The following PSMA3 variants were observed in gnomAD, a reference collection of about 807,000 sequenced individuals.
The protein encoded by PSMA3 is proteasome 20S subunit alpha 3.
In PSMA3, 8 loss-of-function variants were observed where a neutral mutation model predicts 40.0. That is an observed-to-expected ratio of 0.20 (90% CI 0.12 to 0.36). PSMA3 has a LOEUF of 0.36. Among genes scored for constraint, PSMA3 ranks in the 10% least tolerant of loss-of-function variants. The pLI, the probability that PSMA3 is intolerant of heterozygous loss-of-function variation, is 1.00. For synonymous variants in PSMA3, 110 were observed against 100.0 expected, an observed-to-expected ratio of 1.10 and a Z score of -0.59; for missense variants, 219 against 310.6, an observed-to-expected ratio of 0.70 and a Z score of 2.22.
intron 7 of PSMA3, chr14:58,265,522 C>T (rs987391484): frequency 7.9e-5 from 12 of 152,098 alleles, no homozygotes; most frequent in Non-Finnish European, 1.3e-4. Context: ...TAGAATACAA[C>T]AGTAGACTTT....
chr14:58,267,416 T>A (rs953069961), intron 7 of PSMA3, 58 bp from the exon 8 acceptor site: 6 of 1,408,574 alleles, frequency 4.3e-6, no homozygotes, highest in African/African-American at 3.0e-5. Context: ...GTGAAAATAG[T>A]TATTACACAA....
intron 9 of PSMA3, 138 bp downstream of exon 9, chr14:58,270,623 T>C: frequency 2.1e-6 from 3 of 1,454,580 alleles, no homozygotes; most frequent in Non-Finnish European, 2.8e-6. Context: ...TTCTGCTTAA[T>C]AATTGACTTA....
intron 10 of PSMA3, among the ~76,000 whole-genome samples, chr14:58,271,353 G>A (rs1392188009): frequency 1.1e-4 from 13 of 114,626 alleles, no homozygotes; most frequent in Non-Finnish European, 1.5e-4. Flanking sequence ...TTTTTGAGAC[G>A]GAGTCTTGCT....
At chr14:58,259,083 A>G (rs1890211710) in intron 5 of PSMA3, among the ~76,000 whole-genome samples, 2 of 152,072 alleles carry the variant, frequency 1.3e-5, no homozygotes, top group African/African-American at 2.4e-5. Context: ...ATGGGCCACC[A>G]TGCCTGGCTA....
chr14:58,257,341 C>T (rs1890167580), intron 3 of PSMA3, among the ~76,000 whole-genome samples: 1 of 151,520 alleles, frequency 6.6e-6, no homozygotes, highest in South Asian at 2.1e-4. Flanking sequence ...ACTAAAAATA[C>T]AAAAAAATTA....
At chr14:58,259,866 T>G (rs886257865) in intron 5 of PSMA3, among the ~76,000 whole-genome samples, 1 of 152,070 alleles carries the variant, frequency 6.6e-6, no homozygotes, top group Non-Finnish European at 1.5e-5. Flanking sequence ...GTATGAGGTT[T>G]AGAGATGATA....
At chr14:58,259,424 C>A (rs1233419746) in intron 5 of PSMA3, among the ~76,000 whole-genome samples, 1 of 152,144 alleles carries the variant, frequency 6.6e-6, no homozygotes, top group African/African-American at 2.4e-5. Context: ...AAGCTATTCT[C>A]CTGCCTCAAC....
intron 2 of PSMA3, among the ~76,000 whole-genome samples, chr14:58,251,404 G>C (rs903719602): frequency 6.6e-6 from 1 of 152,096 alleles, no homozygotes; most frequent in African/African-American, 2.4e-5. Context: ...TCTCACCTCA[G>C]CCTCCCAGGT....
chr14:58,267,147 G>A (rs541592320), intron 7 of PSMA3: 141 of 164,748 alleles, frequency 8.6e-4, no homozygotes, highest in African/African-American at 3.2e-3. Context: ...TTACAGGCGC[G>A]CACCACCTCC....
rs1456554658 is a variant in PSMA3, at chr14:58,244,909, G to C, written c.-12G>C. On this transcript the variant is annotated 5_prime_UTR_variant, in exon 1 of 11. Transcript: ENST00000216455. ...GCCTGGAATCCCTACGCGTCCCTTT[G>C]GGTTTAGCACGATGAGCTCAATCGG... 3 of 1,614,072 alleles carry C rather than the reference G, an allele frequency of 1.9e-6. No individual in the cohort carries two copies. The highest frequency in any genetic ancestry group is 2.7e-5 in the African/African-American group (2 of 74,924).
rs770644373 is a variant in PSMA3, at chr14:58,260,983, C to T, written c.440C>T (p.Ala147Val). 4 of 1,612,188 alleles carry T rather than the reference C, an allele frequency of 2.5e-6. No individual in the cohort carries two copies. Among genetic ancestry groups the T allele is most frequent in the Non-Finnish European group, 2.5e-6 (3 of 1,178,794 alleles). The change falls in exon 6 of 11, where the codon GCG becomes GTG. Residue 147 changes from alanine to valine, a missense_variant. Coordinates refer to ENST00000216455, the MANE Select transcript of PSMA3 (RefSeq NM_002788.4). ...GGGTCTTACAGTGTGAATGACGGTG[C>T]GCAACTCTACATGATTGACCCATCA... is the stretch of plus-strand genomic sequence containing the variant. ...MLGSYSVNDG[A>V]QLYMIDPSGV... is the part of the protein sequence containing the mutation.
chr14:58,248,840 G>A (rs568691974), intron 2 of PSMA3, among the ~76,000 whole-genome samples: 4 of 152,040 alleles, frequency 2.6e-5, no homozygotes, highest in South Asian at 2.1e-4. Context: ...GGCACACGTC[G>A]TAGTTTCAGC....
intron 3 of PSMA3, among the ~76,000 whole-genome samples, chr14:58,252,590 C>T (rs1263779121): frequency 6.6e-6 from 1 of 151,962 alleles, no homozygotes; most frequent in East Asian, 1.9e-4. Flanking sequence ...CATCAGATAG[C>T]GAACACCTTT....
At chr14:58,252,426 G>A (rs1017361435) in intron 3 of PSMA3, among the ~76,000 whole-genome samples, 184 bp downstream of exon 3, 2 of 152,184 alleles carry the variant, frequency 1.3e-5, no homozygotes, top group African/African-American at 2.4e-5. Context: ...AAACCAAGTT[G>A]CTGAAAGAAG....
intron 3 of PSMA3, among the ~76,000 whole-genome samples, chr14:58,253,095 C>T (rs1316538360): frequency 6.6e-6 from 1 of 151,896 alleles, no homozygotes; most frequent in Non-Finnish European, 1.5e-5. Flanking sequence ...AGCGATTCTC[C>T]TACCTCAGCC....
At chr14:58,265,523 A>AC (rs1890413796) in intron 7 of PSMA3, 1 of 152,206 alleles carries the variant, frequency 6.6e-6, no homozygotes, top group African/African-American at 2.4e-5. Flanking sequence ...AGAATACAAC[A>AC]GTAGACTTTA....
intron 3 of PSMA3, among the ~76,000 whole-genome samples, chr14:58,254,869 T>C (rs1445525746): frequency 1.3e-5 from 2 of 152,244 alleles, no homozygotes; most frequent in African/African-American, 4.8e-5. Flanking sequence ...ACTTGGCACA[T>C]ACAGTTGTTG....
At chr14:58,250,774 G>A (rs2140080665) in intron 2 of PSMA3, among the ~76,000 whole-genome samples, 1 of 152,302 alleles carries the variant, frequency 6.6e-6, no homozygotes, top group South Asian at 2.1e-4. Context: ...ATGGCAAAAT[G>A]AAACACAGCT....
chr14:58,261,568 AT>A (rs1408389737), intron 6 of PSMA3, among the ~76,000 whole-genome samples: 6 of 152,090 alleles, frequency 3.9e-5, no homozygotes, highest in African/African-American at 1.4e-4. Context: ...TGCATATAGT[AT>A]TTTGAATATG....
Sources: allele counts gnomAD v4.1 joint callset (sites outside exome capture counted in the v4.1 genomes callset), GRCh38; gene constraint gnomAD v4.1.1; transcripts MANE v1.5; gene names NCBI Gene and HGNC (gene_info 2026-07-23, HGNC 2026-07-21).